Variants in CMIP observed in about 807,000 individuals in gnomAD.
The protein encoded by CMIP is c-Maf inducing protein, also known as C-Maf-inducing protein.
A neutral mutation model predicts 97.3 loss-of-function variants in CMIP; 13 were observed. The observed-to-expected ratio is 0.13, with a 90% CI of 0.09 to 0.21. The LOEUF is 0.21. CMIP is among the 10% of genes least tolerant of loss of function. CMIP has a pLI of 1.00. For missense variants in CMIP, 847 were observed against 1,024.9 expected, an observed-to-expected ratio of 0.83 and a Z score of 2.37; for synonymous variants, 538 against 436.3, an observed-to-expected ratio of 1.23 and a Z score of -2.91.
rs969910287 is a variant in CMIP, at chr16:81,475,912, G to A, written c.300+30371G>A. On this transcript the variant is annotated intron_variant, in intron 1 of 20. Transcript: ENST00000537098. ...TGAGGCAGGAGAATGGCATGAACCCGGGAGGCAGAGCTTGCAGTGAGCTGA... is the reference window on the plus strand; with the variant it reads ...TGAGGCAGGAGAATGGCATGAACCCAGGAGGCAGAGCTTGCAGTGAGCTGA... 6.1e-5 allele frequency: 24 copies of A among 390,390 alleles called. No homozygotes were observed. In the Admixed American group the frequency reaches 6.8e-4, roughly 11 times the overall value. 24.2% of individuals were successfully genotyped at this position (390,390 alleles called of 1,614,324 possible). A position where few individuals can be genotyped will look rare whatever the true frequency, so the allele number is the denominator to read the frequency against.
At chr16:81,572,498 G>T (rs1227499107) in intron 1 of CMIP, among the ~76,000 whole-genome samples, 1 of 152,252 alleles carries the variant, frequency 6.6e-6, no homozygotes, top group African/African-American at 2.4e-5. Flanking sequence ...GACGGGGCCA[G>T]TGTTCTTGGA....
intron 1 of CMIP, among the ~76,000 whole-genome samples, chr16:81,531,553 T>C (rs1431698082): frequency 6.6e-6 from 1 of 152,250 alleles, no homozygotes; most frequent in African/African-American, 2.4e-5. Context: ...TGGTTAGTGC[T>C]GACCAAGTAG....
At chr16:81,583,549 T>A (rs886919323) in intron 1 of CMIP, among the ~76,000 whole-genome samples, 6 of 152,010 alleles carry the variant, frequency 3.9e-5, no homozygotes, top group African/African-American at 1.5e-4. Flanking sequence ...GTCAATAGAG[T>A]TTCTCACGGC....
chr16:81,454,862 A>T (rs1451541956), intron 1 of CMIP, among the ~76,000 whole-genome samples: 1 of 152,112 alleles, frequency 6.6e-6, no homozygotes, highest in African/African-American at 2.4e-5. Flanking sequence ...AGGCATCTGG[A>T]TGGAGAGGTA....
intron 6 of CMIP, among the ~76,000 whole-genome samples, chr16:81,663,570 AT>A (rs2151023963): frequency 6.6e-6 from 1 of 152,316 alleles, no homozygotes; most frequent in South Asian, 2.1e-4. Context: ...GACATTAGAC[AT>A]TTGTCTAAAC....
At chr16:81,550,411 G>A (rs1445618671) in intron 1 of CMIP, among the ~76,000 whole-genome samples, 1 of 152,194 alleles carries the variant, frequency 6.6e-6, no homozygotes, top group Non-Finnish European at 1.5e-5. Context: ...GGAAGGTCTG[G>A]CCCTGTCCAT....
Position 81,573,364 on chromosome 16 carries a change from A to G in CMIP, c.301-34203A>G, listed in dbSNP as rs949475362. On this transcript the variant is annotated intron_variant, in intron 1 of 20. Coordinates refer to ENST00000537098, the MANE Select transcript of CMIP (RefSeq NM_198390.3). Reference sequence around the variant, plus strand: ...ATCTCAAAAAATAAAAAAAAAAAAAAGGCATGTTTTCCCTAATAGGAGCTG... The same window carrying G: ...ATCTCAAAAAATAAAAAAAAAAAAAGGGCATGTTTTCCCTAATAGGAGCTG... Among the ~76,000 whole-genome samples, 407 of 151,728 alleles carry G rather than the reference A, an allele frequency of 2.7e-3. 6 individuals carry two copies. Among genetic ancestry groups the G allele is most frequent in the East Asian group, 1.4e-3 (7 of 5,166 alleles).
intron 1 of CMIP, among the ~76,000 whole-genome samples, chr16:81,513,361 C>A (rs145685863): frequency 6.6e-6 from 1 of 152,202 alleles, no homozygotes; most frequent in African/African-American, 2.4e-5. Flanking sequence ...ACAGCCAGCG[C>A]GGCTGGCCTG....
chr16:81,648,554 C>T (rs1472055096), intron 3 of CMIP, among the ~76,000 whole-genome samples: 1 of 151,924 alleles, frequency 6.6e-6, no homozygotes, highest in African/African-American at 2.4e-5. Flanking sequence ...GAGGCCGAGG[C>T]GGGTGGATCA....
intron 1 of CMIP, among the ~76,000 whole-genome samples, chr16:81,559,056 C>A (rs2090825371): frequency 6.6e-6 from 1 of 152,232 alleles, no homozygotes; most frequent in Admixed American, 6.5e-5. Flanking sequence ...GGCCTGGGCG[C>A]CCCTCCTGCC....
chr16:81,564,102 A>G (rs1347791022), intron 1 of CMIP, among the ~76,000 whole-genome samples: 1 of 152,256 alleles, frequency 6.6e-6, no homozygotes, highest in Admixed American at 6.5e-5. Context: ...CCACTGGGGC[A>G]GGTAGGACAG....
At chr16:81,561,746 G>T (rs1195612609) in intron 1 of CMIP, among the ~76,000 whole-genome samples, 1 of 152,194 alleles carries the variant, frequency 6.6e-6, no homozygotes, top group East Asian at 1.9e-4. Flanking sequence ...CTCCAGTCTA[G>T]TAGCCACTGG....
intron 1 of CMIP, among the ~76,000 whole-genome samples, chr16:81,511,325 G>A (rs1444387851): frequency 6.6e-6 from 1 of 152,200 alleles, no homozygotes; most frequent in Non-Finnish European, 1.5e-5. Flanking sequence ...AATGTCCAAT[G>A]TTCACATTTC....
chr16:81,525,678 C>G (rs921406640), intron 1 of CMIP, among the ~76,000 whole-genome samples: 1 of 152,190 alleles, frequency 6.6e-6, no homozygotes, highest in Non-Finnish European at 1.5e-5. Flanking sequence ...TGAGTACATT[C>G]ATATTGTCAT....
At chr16:81,589,512 G>A (rs145897159) in intron 1 of CMIP, among the ~76,000 whole-genome samples, 287 of 149,326 alleles carry the variant, frequency 1.9e-3, no homozygotes, top group East Asian at 3.5e-3. Context: ...ACCCTATGGC[G>A]AGTGCTTATG....
chr16:81,641,966 C>T (rs1012446547), intron 3 of CMIP, among the ~76,000 whole-genome samples: 1 of 152,250 alleles, frequency 6.6e-6, no homozygotes, highest in Non-Finnish European at 1.5e-5. Context: ...TTACCTCACT[C>T]AGCCTCGATG....
At chr16:81,581,690 A>G (rs1405378506) in intron 1 of CMIP, among the ~76,000 whole-genome samples, 5 of 152,096 alleles carry the variant, frequency 3.3e-5, no homozygotes, top group African/African-American at 1.2e-4. Context: ...TGCTATCCTT[A>G]TTCCTCACCA....
chr16:81,696,437 G>A (rs1435108590), intron 13 of CMIP, 123 bp from the exon 14 acceptor site: 4 of 950,504 alleles, frequency 4.2e-6, no homozygotes, highest in South Asian at 1.5e-5. Flanking sequence ...AGGAAACAAA[G>A]TTAAGCGGGT....
chr16:81,629,822 C>T (rs1177176490), intron 3 of CMIP, among the ~76,000 whole-genome samples: 2 of 152,240 alleles, frequency 1.3e-5, no homozygotes, highest in South Asian at 2.1e-4. Context: ...TACCAAAGGC[C>T]TCTGCTGTGG....
Sources: gnomAD v4.1 joint callset for allele counts (sites outside exome capture counted in the v4.1 genomes callset) on GRCh38, gnomAD v4.1.1 for gene constraint, MANE v1.5 for transcripts, NCBI Gene and HGNC (gene_info 2026-07-23, HGNC 2026-07-21) for gene names.